BRD10: variants seen among roughly 807,000 people sequenced by gnomAD.
BRD10 encodes the protein bromodomain containing 10.
At chr9:5,930,369 T>TTTTATATATATACATATATATATATA in the BRD10 span, among the ~76,000 whole-genome samples, 8 of 135,540 alleles carry the variant, frequency 5.9e-5, no homozygotes, top group African/African-American at 2.3e-4. Flanking sequence ...TATAAGGAGA[T>TTTTATATATATACATATATATATATA]TATATATATA....
the BRD10 span, among the ~76,000 whole-genome samples, chr9:5,979,202 G>A: frequency 9.2e-5 from 14 of 152,162 alleles, no homozygotes; most frequent in African/African-American, 3.1e-4. Context: ...AAAAGTACAT[G>A]AAATAAAGAG....
the BRD10 span, among the ~76,000 whole-genome samples, chr9:5,983,424 A>G: frequency 9.6e-4 from 146 of 152,358 alleles, 1 homozygote; most frequent in East Asian, 4.4e-3. Flanking sequence ...CTAATTTCCA[A>G]TAAAAATTAC....
chr9:5,896,349 G>C, the BRD10 span, among the ~76,000 whole-genome samples: 1 of 152,202 alleles, frequency 6.6e-6, no homozygotes. Context: ...AATCTTCATA[G>C]GTCTCAGCTT....
chr9:6,008,036 T>G, the BRD10 span: 5 of 1,137,264 alleles, frequency 4.4e-6, no homozygotes, highest in Non-Finnish European at 3.2e-6. Context: ...TCCTCTCCCC[T>G]CCCCCCCGGC....
chr9:5,895,383 C>CTT, the BRD10 span, among the ~76,000 whole-genome samples: 1 of 143,766 alleles, frequency 7.0e-6, no homozygotes, highest in African/African-American at 2.5e-5. Flanking sequence ...GGGCCATCTT[C>CTT]TTTTTTTTTT....
the BRD10 span, chr9:6,008,241 G>T: frequency 2.9e-5 from 28 of 981,566 alleles, no homozygotes; most frequent in Admixed American, 1.3e-3. Flanking sequence ...GGCGGCTCCG[G>T]CTCCTCCTCT....
At chr9:6,007,919 G>T in the BRD10 span, 4 of 1,336,478 alleles carry the variant, frequency 3.0e-6, no homozygotes, top group Non-Finnish European at 3.8e-6. Context: ...GCTCTCCTCA[G>T]CCGCCGGCTC....
At chr9:6,007,080 C>CG in the BRD10 span, 1 of 1,062,624 alleles carries the variant, frequency 9.4e-7, no homozygotes, top group East Asian at 2.4e-5. Flanking sequence ...TCTCCAGCAC[C>CG]GACTCAGCAC....
chr9:5,929,051 T>G, the BRD10 span: 3 of 1,546,166 alleles, frequency 1.9e-6, no homozygotes, highest in Non-Finnish European at 2.7e-6. Flanking sequence ...TACCTGTTTC[T>G]TTGGAAAGCC....
the BRD10 span, among the ~76,000 whole-genome samples, chr9:5,918,009 G>T: frequency 1.3e-5 from 2 of 152,196 alleles, no homozygotes; most frequent in Admixed American, 1.3e-4. Context: ...TAAAAGCTGA[G>T]TAGGTAAATA....
chr9:5,907,304 A>G, the BRD10 span: 1 of 183,330 alleles, frequency 5.5e-6, no homozygotes. Flanking sequence ...AGTCCTGGAT[A>G]CAATATTCTT....
At chr9:5,919,744 C>T in the BRD10 span, 121 of 1,613,292 alleles carry the variant, frequency 7.5e-5, 1 homozygote, top group African/African-American at 7.6e-4. Context: ...GGAAGACAGA[C>T]GCAGGACTTC....
chr9:5,915,950 T>C, the BRD10 span, among the ~76,000 whole-genome samples: 1 of 152,312 alleles, frequency 6.6e-6, no homozygotes, highest in East Asian at 1.9e-4. Flanking sequence ...CATCATTTGA[T>C]TCTCTAATAC....
the BRD10 span, among the ~76,000 whole-genome samples, chr9:5,985,699 C>T: frequency 6.6e-6 from 1 of 152,122 alleles, no homozygotes; most frequent in Admixed American, 6.5e-5. Flanking sequence ...ACAGGGGAAT[C>T]GCTTGAACCT....
chr9:5,967,672 T>C, the BRD10 span, among the ~76,000 whole-genome samples: 1 of 135,142 alleles, frequency 7.4e-6, no homozygotes, highest in Non-Finnish European at 1.5e-5. Flanking sequence ...CTTTTCCTAC[T>C]ACACTGTACT....
the BRD10 span, among the ~76,000 whole-genome samples, chr9:5,998,443 C>T: frequency 1.3e-5 from 2 of 151,996 alleles, no homozygotes; most frequent in African/African-American, 4.8e-5. Flanking sequence ...ACTGTCAATC[C>T]TACCACCACA....
At chr9:5,960,077 C>G in the BRD10 span, among the ~76,000 whole-genome samples, 21 of 152,192 alleles carry the variant, frequency 1.4e-4, no homozygotes, top group Admixed American at 1.4e-3. Flanking sequence ...CCTTCCCAGA[C>G]TAGCACAGCA....
the BRD10 span, among the ~76,000 whole-genome samples, chr9:5,980,670 T>A: frequency 6.6e-6 from 1 of 151,926 alleles, no homozygotes; most frequent in South Asian, 2.1e-4. Flanking sequence ...ACACACACAA[T>A]GTATATGTAT....
At chr9:5,922,920 G>A in the BRD10 span, 4 of 1,613,880 alleles carry the variant, frequency 2.5e-6, no homozygotes, top group Non-Finnish European at 3.4e-6. Context: ...CCTGTGGAAG[G>A]AGGCAGTTGA....
Sources: allele counts gnomAD v4.1 joint callset (sites outside exome capture counted in the v4.1 genomes callset), GRCh38; gene constraint gnomAD v4.1.1; transcripts MANE v1.5; gene names NCBI Gene and HGNC (gene_info 2026-07-23, HGNC 2026-07-21).